The following IQCJ variants were observed in gnomAD, a reference collection of about 807,000 sequenced individuals.
The protein encoded by IQCJ is IQ domain-containing protein J.
A neutral mutation model predicts 11.0 loss-of-function variants in IQCJ; 9 were observed. The ratio of observed to expected loss-of-function variants is 0.82; its 90% CI spans 0.49 to 1.43. The LOEUF is 1.43. IQCJ is among the 40% of genes most tolerant of loss of function. IQCJ has a pLI of 0.00. For missense variants in IQCJ, 146 were observed against 133.2 expected, an observed-to-expected ratio of 1.10 and a Z score of -0.47; for synonymous variants, 55 against 51.3, an observed-to-expected ratio of 1.07 and a Z score of -0.31.
intron 2 of IQCJ, 102 bp from the exon 3 acceptor site, chr3:159,252,625 A>G (rs952643809): frequency 5.0e-5 from 52 of 1,031,228 alleles, no homozygotes; most frequent in Non-Finnish European, 6.5e-5. Flanking sequence ...ACAAAATTGA[A>G]TCTACATCTT....
At chr3:159,104,082 A>T (rs1293211631) in intron 1 of IQCJ, among the ~76,000 whole-genome samples, 1 of 152,210 alleles carries the variant, frequency 6.6e-6, no homozygotes, top group Admixed American at 6.5e-5. Context: ...AGCAAAGCAG[A>T]TATGGGCTGT....
Position 159,255,623 on chromosome 3 carries a change from C to T in IQCJ, c.155+2816C>T, listed in dbSNP as rs181351506. Among the ~76,000 whole-genome samples, 7 of 152,142 alleles carry T rather than the reference C, an allele frequency of 4.6e-5. No individual in the cohort carries two copies. The East Asian group carries it at 7.7e-4, about 17-fold the overall frequency. On this transcript the variant is annotated intron_variant, in intron 3 of 3. Coordinates refer to ENST00000397832, the MANE Select transcript of IQCJ (RefSeq NM_001042706.3). ...GCTCAGTGAAAAAATGTGTGAGTGT[C>T]GGGGAGGGTGCCTGTATCAAAGTTG...
At chr3:159,155,804 TA>T (rs1721487426) in intron 1 of IQCJ, among the ~76,000 whole-genome samples, 1 of 152,196 alleles carries the variant, frequency 6.6e-6, no homozygotes, top group African/African-American at 2.4e-5. Flanking sequence ...AAAAAGGTAA[TA>T]TTTTTTGGAA....
intron 1 of IQCJ, among the ~76,000 whole-genome samples, chr3:159,237,334 A>G (rs1197292380): frequency 6.6e-6 from 1 of 152,234 alleles, no homozygotes; most frequent in Non-Finnish European, 1.5e-5. Flanking sequence ...CAGGTCAAGG[A>G]GCTGACTAAG....
chr3:159,246,967 C>T (rs970415746), intron 2 of IQCJ, among the ~76,000 whole-genome samples: 5 of 152,060 alleles, frequency 3.3e-5, no homozygotes, highest in African/African-American at 7.2e-5. Flanking sequence ...AGAAGTGAGC[C>T]GTGGAGGGGC....
rs1424957980 is a variant in IQCJ, at chr3:159,165,271, T to A, written c.10-80572T>A. ...TGAATGTTCTATTTGCATGTCCAAA[T>A]ATATACTGTGATGATAGCACATATC... On this transcript the variant is annotated intron_variant, in intron 1 of 3. Transcript: ENST00000397832. Among the ~76,000 whole-genome samples, 3 of 152,234 alleles carry A rather than the reference T, an allele frequency of 2.0e-5. No homozygotes were observed. In the East Asian group the frequency reaches 5.8e-4, roughly 29 times the overall value.
At chr3:159,228,576 G>A (rs1328203750) in intron 1 of IQCJ, among the ~76,000 whole-genome samples, 1 of 152,084 alleles carries the variant, frequency 6.6e-6, no homozygotes, top group African/African-American at 2.4e-5. Context: ...GGATCACGAG[G>A]TCAGGAGATC....
intron 1 of IQCJ, among the ~76,000 whole-genome samples, chr3:159,117,075 T>C (rs994489652): frequency 2.0e-5 from 3 of 152,192 alleles, no homozygotes; most frequent in Admixed American, 6.5e-5. Flanking sequence ...CGTAAAACAT[T>C]TTGAAAGAGT....
chr3:159,083,239 T>C (rs972650735), intron 1 of IQCJ, among the ~76,000 whole-genome samples: 1 of 152,146 alleles, frequency 6.6e-6, no homozygotes, highest in South Asian at 2.1e-4. Context: ...ATCTAGAATA[T>C]ATACAATGAA....
At chr3:159,227,042 C>T (rs1326104764) in intron 1 of IQCJ, among the ~76,000 whole-genome samples, 1 of 152,158 alleles carries the variant, frequency 6.6e-6, no homozygotes, top group Non-Finnish European at 1.5e-5. Flanking sequence ...CTGCTGAAAT[C>T]AGGAGGCTTA....
At chr3:159,078,566 C>T (rs1386147476) in intron 1 of IQCJ, among the ~76,000 whole-genome samples, 3 of 149,974 alleles carry the variant, frequency 2.0e-5, no homozygotes, top group Non-Finnish European at 4.4e-5. Context: ...TTTTTTTTGC[C>T]ACCAGCAGTC....
chr3:159,261,953 C>G (rs1728235561), intron 3 of IQCJ, among the ~76,000 whole-genome samples: 1 of 152,212 alleles, frequency 6.6e-6, no homozygotes, highest in African/African-American at 2.4e-5. Flanking sequence ...GTATATAAAA[C>G]CCATGATGTG....
chr3:159,224,122 G>A (rs186117727), intron 1 of IQCJ, among the ~76,000 whole-genome samples: 44 of 150,778 alleles, frequency 2.9e-4, no homozygotes, highest in African/African-American at 9.7e-4. Flanking sequence ...TGTGTGACAC[G>A]AAGTATATAA....
chr3:159,240,785 G>A (rs1375833674), intron 1 of IQCJ, among the ~76,000 whole-genome samples: 3 of 151,982 alleles, frequency 2.0e-5, no homozygotes, highest in East Asian at 2.0e-4. Flanking sequence ...TAGAGAGGGG[G>A]TTTCACCTTG....
At chr3:159,111,036 G>T (rs954311294) in intron 1 of IQCJ, among the ~76,000 whole-genome samples, 1 of 152,204 alleles carries the variant, frequency 6.6e-6, no homozygotes, top group African/African-American at 2.4e-5. Context: ...GCAAGTAATA[G>T]TTTCAGATGT....
chr3:159,208,645 G>A (rs1406242353), intron 1 of IQCJ, among the ~76,000 whole-genome samples: 7 of 152,160 alleles, frequency 4.6e-5, no homozygotes, highest in Non-Finnish European at 5.9e-5. Flanking sequence ...ATTGTGAGGG[G>A]TCTTTGGATT....
At chr3:159,136,599 A>G (rs1348765183) in intron 1 of IQCJ, among the ~76,000 whole-genome samples, 1 of 152,204 alleles carries the variant, frequency 6.6e-6, no homozygotes, top group Admixed American at 6.5e-5. Flanking sequence ...AGGTGCCCGC[A>G]TATTCAGTGT....
intron 1 of IQCJ, among the ~76,000 whole-genome samples, chr3:159,199,438 G>A (rs1354723012): frequency 6.6e-6 from 1 of 152,190 alleles, no homozygotes. Context: ...AGGAGAAACA[G>A]AGACGCTTAA....
chr3:159,085,672 T>C (rs1281330878), intron 1 of IQCJ, among the ~76,000 whole-genome samples: 3 of 151,272 alleles, frequency 2.0e-5, no homozygotes, highest in Non-Finnish European at 4.4e-5. Context: ...TGGCCAGTGA[T>C]GATAAGCATT....
Sources: allele counts gnomAD v4.1 joint callset (sites outside exome capture counted in the v4.1 genomes callset), GRCh38; gene constraint gnomAD v4.1.1; transcripts MANE v1.5; gene names NCBI Gene and HGNC (gene_info 2026-07-23, HGNC 2026-07-21).